Variants in CASK observed in about 807,000 individuals in gnomAD.
The protein encoded by CASK is calcium/calmodulin dependent serine protein kinase.
In CASK, 4 loss-of-function variants were observed where a neutral mutation model predicts 82.9. The observed-to-expected ratio is 0.05, with a 90% CI of 0.02 to 0.11. The LOEUF (loss-of-function observed/expected upper bound fraction) is 0.11, where lower values mean the gene tolerates loss of function less well. Among genes scored for constraint, CASK ranks in the 10% least tolerant of loss-of-function variants. The pLI, the probability that CASK is intolerant of heterozygous loss-of-function variation, is 1.00. For missense variants in CASK, 358 were observed against 720.9 expected, an observed-to-expected ratio of 0.50 and a Z score of 5.76; for synonymous variants, 259 against 253.5, an observed-to-expected ratio of 1.02 and a Z score of -0.20.
At chrX:41,639,308 G>A (rs768700374) in intron 8 of CASK, among the ~76,000 whole-genome samples, 2 of 109,822 alleles carry the variant, frequency 1.8e-5, no homozygotes, top group Admixed American at 9.8e-5. Context: ...TCTTGGCCTC[G>A]TGATCTGCCT....
intron 3 of CASK, among the ~76,000 whole-genome samples, chrX:41,750,751 G>A (rs1250209003): frequency 2.7e-5 from 3 of 112,206 alleles, no homozygotes; most frequent in Non-Finnish European, 5.6e-5. Context: ...CAGGTCTTGA[G>A]GCACAAGGTA....
At chrX:41,624,133 A>T in intron 10 of CASK, 1 of 308,786 alleles carries the variant, frequency 3.2e-6, no homozygotes, top group East Asian at 9.7e-5. Context: ...GACAATACAA[A>T]CCATTACTGG....
At chrX:41,878,386 T>C (rs963008880) in intron 1 of CASK, among the ~76,000 whole-genome samples, 4 of 111,518 alleles carry the variant, frequency 3.6e-5, no homozygotes, top group Non-Finnish European at 7.6e-5. Context: ...GCAGATGTCC[T>C]CAACAGAAGT....
chrX:41,559,306 T>C (rs1167214270), intron 18 of CASK: 2 of 121,031 alleles, frequency 1.7e-5, no homozygotes, highest in East Asian at 4.4e-4. Flanking sequence ...TATCAATTCA[T>C]TGCAGACTTA....
intron 2 of CASK, among the ~76,000 whole-genome samples, chrX:41,797,434 T>C (rs1189343495): frequency 1.8e-5 from 2 of 110,928 alleles, no homozygotes; most frequent in Non-Finnish European, 1.9e-5. Flanking sequence ...ACCGCCTCCA[T>C]AGATGCCTCA....
intron 15 of CASK, among the ~76,000 whole-genome samples, chrX:41,576,908 A>G (rs1051899994): frequency 4.5e-5 from 5 of 111,870 alleles, no homozygotes; most frequent in African/African-American, 1.6e-4. Context: ...TATAACTGGC[A>G]AAGATTACTA....
At chrX:41,822,585 A>G (rs1196503512) in intron 2 of CASK, among the ~76,000 whole-genome samples, 6 of 108,996 alleles carry the variant, frequency 5.5e-5, no homozygotes, top group Non-Finnish European at 1.1e-4. Flanking sequence ...AAAAAAAAGA[A>G]AAAAGAAAGA....
chrX:41,574,597 T>C (rs1201716943), intron 15 of CASK, among the ~76,000 whole-genome samples: 2 of 111,581 alleles, frequency 1.8e-5, no homozygotes, highest in Admixed American at 1.9e-4. Context: ...CATAAACATA[T>C]TTTTTGCACT....
chrX:41,784,505 A>C (rs965079856), intron 3 of CASK, among the ~76,000 whole-genome samples: 1 of 111,980 alleles, frequency 8.9e-6, no homozygotes. Context: ...AATAAGGACT[A>C]GCATTGCCAT....
At chrX:41,570,614 T>C (rs941531652) in intron 15 of CASK, among the ~76,000 whole-genome samples, 7 of 111,897 alleles carry the variant, frequency 6.3e-5, no homozygotes, top group Non-Finnish European at 1.1e-4. Context: ...GCTGATAATA[T>C]AGTTGTCGAC....
intron 1 of CASK, among the ~76,000 whole-genome samples, chrX:41,863,748 TTCTC>T (rs1159532690): frequency 8.9e-6 from 1 of 112,357 alleles, no homozygotes; most frequent in Non-Finnish European, 1.9e-5. Context: ...TCACTCCTCC[TTCTC>T]TACTAGTGTT....
At chrX:41,685,802 T>C (rs1222264388) in intron 5 of CASK, among the ~76,000 whole-genome samples, 1 of 111,653 alleles carries the variant, frequency 9.0e-6, no homozygotes, top group Non-Finnish European at 1.9e-5. Context: ...TAGAGAGACA[T>C]TTGTATATAC....
intron 20 of CASK, among the ~76,000 whole-genome samples, chrX:41,554,355 G>A (rs1023011676): frequency 1.5e-4 from 17 of 111,626 alleles, no homozygotes; most frequent in Admixed American, 1.1e-3. Flanking sequence ...AGCAGCACAC[G>A]ATATAAAATT....
At chrX:41,643,135 G>C (rs914696095) in intron 8 of CASK, among the ~76,000 whole-genome samples, 1 of 111,760 alleles carries the variant, frequency 8.9e-6, no homozygotes, top group African/African-American at 3.3e-5. Context: ...GTACCATGCT[G>C]TTTTGGTACC....
intron 8 of CASK, among the ~76,000 whole-genome samples, chrX:41,641,479 C>A (rs908347819): frequency 2.7e-5 from 3 of 111,470 alleles, no homozygotes; most frequent in Non-Finnish European, 5.6e-5. Flanking sequence ...AGAGCTCAAC[C>A]ATCTGTGAGG....
At chrX:41,648,257 T>G (rs979747315) in intron 8 of CASK, among the ~76,000 whole-genome samples, 2 of 111,396 alleles carry the variant, frequency 1.8e-5, no homozygotes, top group African/African-American at 6.5e-5. Flanking sequence ...CCAGGCTTAT[T>G]AGGAAGAGGA....
At position 41,852,998 on chromosome X, in the gene CASK, C is replaced by T. The variant is rs756153427; in HGVS notation, c.172+117G>A. On this transcript the variant is annotated intron_variant, in intron 2 of 26. Coordinates refer to ENST00000378163, the MANE Select transcript of CASK (RefSeq NM_001367721.1). ...GAGTTTAAACTGTCTCCACCCACTT[C>T]CCTCTACATCATACCCTCTGCTTCC... 1.8e-4 allele frequency: 96 copies of T among 521,050 alleles called. No individual in the cohort carries two copies. The African/African-American group carries it at 1.9e-3, about 10-fold the overall frequency. 42.9% of individuals were successfully genotyped at this position (521,050 alleles called of 1,213,427 possible).
intron 5 of CASK, among the ~76,000 whole-genome samples, chrX:41,739,042 A>G (rs1363068167): frequency 1.2e-4 from 14 of 112,219 alleles, no homozygotes. Flanking sequence ...TACTATATAA[A>G]CCAAATTCTA....
rs765755056 is a variant in CASK, at chrX:41,534,896, A to G, written c.2233T>C (p.Leu745=). Residue 745 remains leucine (L), a synonymous_variant, in exon 23 of 27, where the codon TTA becomes CTA. Coordinates refer to ENST00000378163, the MANE Select transcript of CASK (RefSeq NM_001367721.1). ...PAFKRKTLVL[L]GAHGVGRRHI... is the part of the protein sequence containing the mutation. ...TCACTTACACAATCAAACTTACCTAATAAGACTAGTGTTTTCCTCTTGAAT... is the reference window on the plus strand; with the variant it reads ...TCACTTACACAATCAAACTTACCTAGTAAGACTAGTGTTTTCCTCTTGAAT... The G allele has an allele frequency of 5.1e-6, 6 of 1,184,211 alleles. No individual in the cohort carries two copies. The highest frequency in any genetic ancestry group is 2.4e-4 in the Middle Eastern group (1 of 4,187).
Sources: allele counts gnomAD v4.1 joint callset (sites outside exome capture counted in the v4.1 genomes callset), GRCh38; gene constraint gnomAD v4.1.1; transcripts MANE v1.5; gene names NCBI Gene and HGNC (gene_info 2026-07-23, HGNC 2026-07-21).